Variants in METTL22 observed in about 807,000 individuals in gnomAD.
The protein encoded by METTL22 is methyltransferase 22, Kin17 lysine.
A neutral mutation model predicts 48.4 loss-of-function variants in METTL22; 51 were observed. The ratio of observed to expected loss-of-function variants is 1.05; its 90% CI spans 0.84 to 1.33. The LOEUF (loss-of-function observed/expected upper bound fraction) is 1.33. Ranked by LOEUF, METTL22 falls within the 40% of genes most tolerant of loss-of-function variation. The pLI, the probability that METTL22 is intolerant of heterozygous loss-of-function variation, is 0.00. For missense variants in METTL22, 678 were observed against 526.9 expected (o/e 1.29, Z -2.81); for synonymous variants, 255 against 214.1 (o/e 1.19, Z -1.67).
chr16:8,648,160 A>T lies in METTL22; in HGVS notation c.*2017A>T, dbSNP rs1343080154. On this transcript the variant is annotated 3_prime_UTR_variant, in exon 11 of 11. Coordinates refer to ENST00000381920, the MANE Select transcript of METTL22 (RefSeq NM_024109.4). ...AACAAAGCAAGACCCCATCTCTATTAAAAATTAAACAGCCAATTAGTCTGG... is the reference window on the plus strand; with the variant it reads ...AACAAAGCAAGACCCCATCTCTATTTAAAATTAAACAGCCAATTAGTCTGG... 6.6e-6 allele frequency: 1 copy of T among 152,218 alleles called. No individual in the cohort carries two copies. Among genetic ancestry groups the T allele is most frequent in the East Asian group, 1.9e-4 (1 of 5,200 alleles). 9.4% of individuals were successfully genotyped at this position (152,218 alleles called of 1,614,324 possible).
At chr16:8,641,407 T>C (rs1397168954) in intron 7 of METTL22, 2 of 642,870 alleles carry the variant, frequency 3.1e-6, no homozygotes. Context: ...CTCCAGGTGT[T>C]GTGGTTTCCC....
At position 8,625,514 on chromosome 16, in the gene METTL22, C is replaced by A; in HGVS notation, c.-152C>A. 1 of 547,802 alleles carries A rather than the reference C, an allele frequency of 1.8e-6. No homozygotes were observed. Among genetic ancestry groups the A allele is most frequent in the African/African-American group, 1.9e-5 (1 of 52,504 alleles). The allele number at this position is 547,802 out of a possible 1,614,324, so 33.9% of individuals were successfully genotyped here. A position where few individuals can be genotyped will look rare whatever the true frequency, so the allele number is the denominator to read the frequency against. ...TTTCCAGCTGGATTCTCTTCCCTGG[C>A]CAAGTCTCTGAGATCTTCTCCCAGG... On this transcript the variant is annotated 5_prime_UTR_variant, in exon 2 of 11. Transcript: ENST00000381920.
At chr16:8,632,775 C>A (rs1195108110) in intron 3 of METTL22, among the ~76,000 whole-genome samples, 1 of 152,208 alleles carries the variant, frequency 6.6e-6, no homozygotes, top group Non-Finnish European at 1.5e-5. Flanking sequence ...AGTTAAGTGA[C>A]TTGTCACCCA....
chr16:8,633,733 G>C (rs1641037), intron 3 of METTL22, among the ~76,000 whole-genome samples: 150,467 of 152,376 alleles, frequency 0.99, 74,325 homozygotes, highest in Middle Eastern at 1. Context: ...AATACTCGAA[G>C]CTGTCATTGG....
chr16:8,638,782 A>G (rs1048789490), intron 5 of METTL22, among the ~76,000 whole-genome samples: 2 of 152,170 alleles, frequency 1.3e-5, no homozygotes, highest in African/African-American at 4.8e-5. Flanking sequence ...GGCCATAAAC[A>G]TGAAAACGAT....
intron 6 of METTL22, among the ~76,000 whole-genome samples, chr16:8,640,819 T>G: frequency 1.1e-5 from 1 of 90,464 alleles, no homozygotes; most frequent in Non-Finnish European, 2.2e-5. Context: ...GGTGGGTGGG[T>G]GGGTGGGTAG....
intron 3 of METTL22, 37 bp downstream of exon 3, chr16:8,629,147 G>A (rs746895911): frequency 1.4e-5 from 22 of 1,589,600 alleles, no homozygotes; most frequent in Non-Finnish European, 1.8e-5. Flanking sequence ...CTGTCACCAA[G>A]GCAACTCCGC....
At chr16:8,653,407 C>T (rs1185059298), downstream of METTL22, among the ~76,000 whole-genome samples, 1 of 152,178 alleles carries the variant, frequency 6.6e-6, no homozygotes, top group Admixed American at 6.5e-5. Flanking sequence ...CGATCTCTGT[C>T]CCCACATGGG....
downstream of METTL22, among the ~76,000 whole-genome samples, chr16:8,652,237 T>C (rs1469584014): frequency 2.6e-5 from 4 of 151,524 alleles, no homozygotes; most frequent in Non-Finnish European, 4.4e-5. Flanking sequence ...TGTGGGAGGA[T>C]CATTTGCGGT....
At chr16:8,639,025 CA>C (rs5815485) in intron 5 of METTL22, 65 bp from the exon 6 acceptor site, 1,534,794 of 1,538,470 alleles carry the variant, frequency 1, 765,650 homozygotes, top group East Asian at 1. Flanking sequence ...TCTCTCTAGG[CA>C]AAAAACATGG....
the METTL22 span, among the ~76,000 whole-genome samples, chr16:8,663,921 C>T: frequency 6.4e-4 from 97 of 152,156 alleles, no homozygotes; most frequent in African/African-American, 2.3e-3. Flanking sequence ...GCAGTCCCCT[C>T]GGCCTCTACC....
At position 8,625,529 on chromosome 16, in the gene METTL22, C is replaced by T; in HGVS notation, c.-137C>T. ...TCTTCCCTGGCCAAGTCTCTGAGAT[C>T]TTCTCCCAGGGCGATGCAAAGCTAC... On this transcript the variant is annotated 5_prime_UTR_variant, in exon 2 of 11. Coordinates refer to ENST00000381920, the MANE Select transcript of METTL22 (RefSeq NM_024109.4). The T allele has an allele frequency of 1.5e-6, 1 of 659,072 alleles. No homozygotes were observed. The highest frequency in any genetic ancestry group is 2.4e-6 in the Non-Finnish European group (1 of 421,728). 40.8% of individuals were successfully genotyped at this position (659,072 alleles called of 1,614,324 possible).
intron 6 of METTL22, chr16:8,639,762 A>G (rs1454518140): frequency 1.3e-5 from 2 of 154,596 alleles, no homozygotes; most frequent in Non-Finnish European, 2.9e-5. Flanking sequence ...AGTGTATGTG[A>G]TGGGTGACGA....
chr16:8,661,384 C>T, the METTL22 span, among the ~76,000 whole-genome samples: 1 of 151,588 alleles, frequency 6.6e-6, no homozygotes, highest in Non-Finnish European at 1.5e-5. Context: ...CGGTGGCTCA[C>T]ACCTGTAATC....
At chr16:8,637,289 T>C (rs1397119211) in intron 5 of METTL22, among the ~76,000 whole-genome samples, 1 of 152,236 alleles carries the variant, frequency 6.6e-6, no homozygotes, top group East Asian at 1.9e-4. Context: ...GAGTCTGCAG[T>C]GCAGCCACGC....
chr16:8,629,173 G>C, intron 3 of METTL22, 63 bp downstream of exon 3: 1 of 1,559,188 alleles, frequency 6.4e-7, no homozygotes, highest in Non-Finnish European at 8.7e-7. Flanking sequence ...CACTGCTCAG[G>C]GCTCAGTATG....
intron 2 of METTL22, among the ~76,000 whole-genome samples, chr16:8,628,058 C>T (rs2056121460): frequency 6.6e-6 from 1 of 152,190 alleles, no homozygotes; most frequent in Non-Finnish European, 1.5e-5. Context: ...TTTATCTAAC[C>T]TGTTACAGGA....
chr16:8,628,156 C>G (rs1448648276), intron 2 of METTL22, among the ~76,000 whole-genome samples: 1 of 152,172 alleles, frequency 6.6e-6, no homozygotes, highest in Non-Finnish European at 1.5e-5. Context: ...TTAACACAGC[C>G]TGTAATTATC....
At chr16:8,660,939 G>A in the METTL22 span, among the ~76,000 whole-genome samples, 3 of 150,032 alleles carry the variant, frequency 2.0e-5, no homozygotes, top group South Asian at 2.1e-4. Context: ...ATGAGTGAAC[G>A]GAAACCCAGA....
Sources: gnomAD v4.1 joint callset for allele counts (sites outside exome capture counted in the v4.1 genomes callset) on GRCh38, gnomAD v4.1.1 for gene constraint, MANE v1.5 for transcripts, NCBI Gene and HGNC (gene_info 2026-07-23, HGNC 2026-07-21) for gene names.